Variants in UGT2A1 observed in about 807,000 individuals in gnomAD.
UGT2A1 encodes UDP glucuronosyltransferase family 2 member A1 complex locus.
In UGT2A1, 61 loss-of-function variants were observed where a neutral mutation model predicts 45.4. That is an observed-to-expected ratio of 1.34 (90% confidence interval 1.09 to 1.66). The LOEUF is 1.66. Among genes scored for constraint, UGT2A1 ranks in the 40% most tolerant of loss-of-function variants. The probability of loss-of-function intolerance (pLI) is 0.00; values close to 1 mark genes in which losing one functional copy is unlikely to be tolerated. For missense variants in UGT2A1, 649 were observed against 574.3 expected, an observed-to-expected ratio of 1.13 and a Z score of -1.33; for synonymous variants, 229 against 196.2, an observed-to-expected ratio of 1.17 and a Z score of -1.40.
At chr4:69,598,408 T>C (rs1321054116) in intron 4 of UGT2A1, among the ~76,000 whole-genome samples, 1 of 152,128 alleles carries the variant, frequency 6.6e-6, no homozygotes. Context: ...TCTCAACACT[T>C]TTTCTGTATA....
At chr4:69,603,673 A>T (rs11721725) in intron 3 of UGT2A1, 24,784 of 135,258 alleles carry the variant, frequency 0.18, 5,974 homozygotes, top group Non-Finnish European at 0.22. Context: ...CCTTGAAAAA[A>T]AATTAGACGA....
At position 69,589,533 on chromosome 4, in the gene UGT2A1, G is replaced by A. The variant is rs1404190615; in HGVS notation, c.1423C>T (p.Arg475Trp). Residue 475 changes from arginine to tryptophan, a missense_variant, in exon 7 of 7, where the codon CGG becomes TGG. Coordinates refer to ENST00000286604, the MANE Select transcript of UGT2A1 (RefSeq NM_001252275.3). Reference sequence around the variant, plus strand: ...CAGGTGAGGTCATGGGCTGCAACCCGAAGGTGCTTGGCTCCTTTGTGGCGC... The same window carrying A: ...CAGGTGAGGTCATGGGCTGCAACCCAAAGGTGCTTGGCTCCTTTGTGGCGC... ...VMRHKGAKHL[R>W]VAAHDLTWFQ... The A allele has an allele frequency of 6.2e-6, 10 of 1,613,934 alleles. No homozygotes were observed. Among genetic ancestry groups the A allele is most frequent in the South Asian group, 1.1e-5 (1 of 91,082 alleles).
chr4:69,599,908 G>A (rs10033801), intron 3 of UGT2A1: 98,365 of 152,552 alleles, frequency 0.64, 32,078 homozygotes, highest in East Asian at 0.74. Context: ...TCTCTCTTCA[G>A]TTAAATGCCA....
At chr4:69,594,242 AG>A in intron 6 of UGT2A1, among the ~76,000 whole-genome samples, 1 of 152,200 alleles carries the variant, frequency 6.6e-6, no homozygotes, top group East Asian at 1.9e-4. Flanking sequence ...CCAAAGTGCT[AG>A]GATTACAAGC....
chr4:69,621,848 G>T (rs910691869), intron 3 of UGT2A1, among the ~76,000 whole-genome samples: 1 of 151,738 alleles, frequency 6.6e-6, no homozygotes, highest in Non-Finnish European at 1.5e-5. Context: ...CATGTTTTTT[G>T]CAGGAACATA....
At chr4:69,616,850 T>TTTTTG (rs1720433078) in intron 3 of UGT2A1, among the ~76,000 whole-genome samples, 1 of 129,438 alleles carries the variant, frequency 7.7e-6, no homozygotes, top group African/African-American at 2.9e-5. Context: ...TTTTTTTTTT[T>TTTTTG]GAATAGTGGT....
At chr4:69,637,729 C>T (rs113061311) in intron 2 of UGT2A1, among the ~76,000 whole-genome samples, 1,950 of 152,156 alleles carry the variant, frequency 0.013, 40 homozygotes, top group African/African-American at 0.043. Context: ...GTTGTCTCCT[C>T]TCATGAGAAT....
chr4:69,605,057 T>C (rs572364272), intron 3 of UGT2A1, among the ~76,000 whole-genome samples: 1 of 136,878 alleles, frequency 7.3e-6, no homozygotes, highest in African/African-American at 3.0e-5. Context: ...AACTCAGCTC[T>C]GCACCAAGTA....
intron 3 of UGT2A1, among the ~76,000 whole-genome samples, chr4:69,623,728 G>A (rs11946382): frequency 0.27 from 41,177 of 150,886 alleles, 5,876 homozygotes; most frequent in South Asian, 0.32. Context: ...TCTCAAGTTA[G>A]TGTAAAATTA....
chr4:69,625,958 A>G (rs915034799), intron 3 of UGT2A1, among the ~76,000 whole-genome samples: 8 of 151,750 alleles, frequency 5.3e-5, no homozygotes, highest in African/African-American at 1.9e-4. Flanking sequence ...GAGTTATCTT[A>G]AAGATACTCA....
At position 69,652,643 on chromosome 4, in the gene UGT2A1, A is replaced by C. The variant is rs184174930; in HGVS notation, c.-55+545T>G. Among the ~76,000 whole-genome samples the C allele has an allele frequency of 3.9e-5, 6 of 152,186 alleles. No individual in the cohort carries two copies. The East Asian group carries it at 1.2e-3, about 29-fold the overall frequency. ...TTTGATTTATAGCATAAAACATTTG[A>C]CTTATATTTAAAGTAAATAGATTTT... On this transcript the variant is annotated intron_variant, in intron 1 of 6. Transcript: ENST00000286604.
rs1022145195 is a variant in UGT2A1, at chr4:69,640,722, C to T, written c.716-4900G>A. On this transcript the variant is annotated intron_variant, in intron 2 of 6. Transcript: ENST00000286604. ...TTCAGGCCCTTGAGTAACAAAAGAA[C>T]TGGGAGGACAGAGAACAGGAAAGAC... 2.3e-4 allele frequency among the ~76,000 whole-genome samples: 35 copies of T among 151,886 alleles called. 1 individual carries two copies. The highest frequency in any genetic ancestry group is 1.9e-3 in the Admixed American group (29 of 15,216).
At chr4:69,644,179 C>T (rs994560315) in intron 2 of UGT2A1, among the ~76,000 whole-genome samples, 19 of 151,606 alleles carry the variant, frequency 1.3e-4, no homozygotes, top group African/African-American at 4.4e-4. Context: ...AAAGATTAGC[C>T]TCATGTCTTA....
At chr4:69,596,248 A>T (rs983464189) in intron 4 of UGT2A1, 7 of 1,572,144 alleles carry the variant, frequency 4.5e-6, no homozygotes, top group Admixed American at 1.8e-5. Context: ...GGCTGTACTG[A>T]CCTTCTGTGG....
At chr4:69,620,880 C>T (rs566786627) in intron 3 of UGT2A1, among the ~76,000 whole-genome samples, 4 of 151,132 alleles carry the variant, frequency 2.6e-5, no homozygotes, top group Non-Finnish European at 4.4e-5. Flanking sequence ...CTGACAAAAC[C>T]GACAAAACCA....
At chr4:69,632,198 T>C (rs1207807616) in intron 3 of UGT2A1, among the ~76,000 whole-genome samples, 4 of 152,168 alleles carry the variant, frequency 2.6e-5, no homozygotes, top group African/African-American at 9.7e-5. Context: ...GGTGTTTTGA[T>C]ATAAATATAA....
chr4:69,615,891 GACAATCAC>G lies in UGT2A1; in HGVS notation c.848-16505_848-16498del, dbSNP rs575619262. ...TAAAAATAAAACTACCATATGATCCGACAATCACACTGCTGGGTATATATCCAAATAAA... is the reference window on the plus strand; with the variant it reads ...TAAAAATAAAACTACCATATGATCCGACTGCTGGGTATATATCCAAATAAA... On this transcript the variant is annotated intron_variant, in intron 3 of 6. Transcript: ENST00000286604. 2.4e-3 allele frequency among the ~76,000 whole-genome samples: 369 copies of G among 152,038 alleles called. 1 individual carries two copies. Among genetic ancestry groups the G allele is most frequent in the South Asian group, 8.5e-3 (41 of 4,820 alleles).
At chr4:69,616,729 A>C (rs950980548) in intron 3 of UGT2A1, among the ~76,000 whole-genome samples, 1 of 151,878 alleles carries the variant, frequency 6.6e-6, no homozygotes, top group African/African-American at 2.4e-5. Flanking sequence ...AGAAATGGAA[A>C]AGTATAAGCT....
chr4:69,645,889 C>T (rs1722235086), intron 2 of UGT2A1, among the ~76,000 whole-genome samples: 1 of 151,746 alleles, frequency 6.6e-6, no homozygotes, highest in South Asian at 2.1e-4. Flanking sequence ...CGCACCTGTG[C>T]TGTTTTGTCT....
Sources: gnomAD v4.1 joint callset for allele counts (sites outside exome capture counted in the v4.1 genomes callset) on GRCh38, gnomAD v4.1.1 for gene constraint, MANE v1.5 for transcripts, NCBI Gene and HGNC (gene_info 2026-07-23, HGNC 2026-07-21) for gene names.